GRAMD2B: variants seen among roughly 807,000 people sequenced by gnomAD.
The protein encoded by GRAMD2B is GRAM domain containing 2B, also known as GRAM domain-containing protein 2B.
A neutral mutation model predicts 59.2 loss-of-function variants in GRAMD2B; 41 were observed. That is an observed-to-expected ratio of 0.69 (90% confidence interval 0.54 to 0.90). The LOEUF (loss-of-function observed/expected upper bound fraction) is 0.90, where lower values mean the gene tolerates loss of function less well. Ranked by LOEUF, GRAMD2B falls within the 40% of genes least tolerant of loss-of-function variation. The probability of loss-of-function intolerance (pLI) is 0.00; values close to 1 mark genes in which losing one functional copy is unlikely to be tolerated. For synonymous variants in GRAMD2B, 161 were observed against 182.7 expected (o/e 0.88, Z 0.96); for missense variants, 424 against 500.5 (o/e 0.85, Z 1.46).
chr5:126,490,800 T>G (rs189811629), intron 13 of GRAMD2B, among the ~76,000 whole-genome samples: 1 of 152,292 alleles, frequency 6.6e-6, no homozygotes, highest in Admixed American at 6.5e-5. Context: ...TGTCTAAGCC[T>G]CATGATCTTT....
At chr5:126,385,213 G>A (rs530402722) in intron 1 of GRAMD2B, among the ~76,000 whole-genome samples, 181 of 152,132 alleles carry the variant, frequency 1.2e-3, no homozygotes, top group Middle Eastern at 6.8e-3. Flanking sequence ...AAATTATACC[G>A]CAGGCCTTAT....
intron 1 of GRAMD2B, among the ~76,000 whole-genome samples, chr5:126,411,033 G>A (rs957303966): frequency 6.6e-6 from 1 of 151,994 alleles, no homozygotes; most frequent in African/African-American, 2.4e-5. Flanking sequence ...TGCATAGTTT[G>A]TGAGCATTTT....
chr5:126,424,807 A>G (rs901597446), intron 1 of GRAMD2B, among the ~76,000 whole-genome samples: 5 of 152,226 alleles, frequency 3.3e-5, no homozygotes, highest in Admixed American at 6.5e-5. Context: ...TCTCACAAAG[A>G]ATGAGGCAGG....
chr5:126,399,488 G>T (rs939283452), intron 1 of GRAMD2B, among the ~76,000 whole-genome samples: 3 of 152,068 alleles, frequency 2.0e-5, no homozygotes. Context: ...GTGTTTGGCA[G>T]TTCCTCCCTT....
intron 1 of GRAMD2B, among the ~76,000 whole-genome samples, chr5:126,372,378 T>C (rs2149692589): frequency 6.6e-6 from 1 of 152,312 alleles, no homozygotes; most frequent in East Asian, 1.9e-4. Flanking sequence ...GACAGCACCA[T>C]ATCCAGAAAT....
chr5:126,404,836 A>G (rs191061469), intron 1 of GRAMD2B, among the ~76,000 whole-genome samples: 156 of 151,934 alleles, frequency 1.0e-3, no homozygotes, highest in African/African-American at 3.7e-3. Context: ...ACAATAAATC[A>G]CAGAAGAAGA....
At chr5:126,370,458 T>C (rs1378723574), upstream of GRAMD2B, among the ~76,000 whole-genome samples, 3 of 152,200 alleles carry the variant, frequency 2.0e-5, no homozygotes, top group South Asian at 2.1e-4. Context: ...AGAGAGAGCA[T>C]AGCTACTGTG....
At chr5:126,370,206 AATGTAAT>A (rs1274060459), upstream of GRAMD2B, among the ~76,000 whole-genome samples, 3 of 152,236 alleles carry the variant, frequency 2.0e-5, no homozygotes, top group Admixed American at 6.5e-5. Flanking sequence ...TGTCCAAAAT[AATGTAAT>A]ATCACTGAAA....
chr5:126,490,616 T>C (rs1054735543), intron 13 of GRAMD2B, among the ~76,000 whole-genome samples: 2 of 152,120 alleles, frequency 1.3e-5, no homozygotes, highest in African/African-American at 4.8e-5. Flanking sequence ...ATCTAAGTAT[T>C]AAAAAAGAGG....
chr5:126,370,933 G>A (rs1234271134), upstream of GRAMD2B, among the ~76,000 whole-genome samples: 1 of 152,200 alleles, frequency 6.6e-6, no homozygotes, highest in Non-Finnish European at 1.5e-5. Context: ...CCTTAAAACT[G>A]CTGTACATCT....
At chr5:126,394,753 T>G (rs1757209621) in intron 1 of GRAMD2B, among the ~76,000 whole-genome samples, 1 of 152,198 alleles carries the variant, frequency 6.6e-6, no homozygotes, top group Non-Finnish European at 1.5e-5. Context: ...GAAATTTAAA[T>G]ATACATACAG....
intron 1 of GRAMD2B, among the ~76,000 whole-genome samples, chr5:126,389,188 G>C (rs1269052986): frequency 6.6e-6 from 1 of 152,164 alleles, no homozygotes. Context: ...TAAAGGAGGG[G>C]TGAAAGCTTA....
At chr5:126,419,794 C>T (rs1035460741), upstream of GRAMD2B, among the ~76,000 whole-genome samples, 28 of 152,084 alleles carry the variant, frequency 1.8e-4, no homozygotes, top group South Asian at 4.1e-4. Flanking sequence ...TGGTGGCTCA[C>T]GCCTGTAATC....
chr5:126,463,757 G>A (rs761657760), intron 1 of GRAMD2B, among the ~76,000 whole-genome samples: 9 of 152,298 alleles, frequency 5.9e-5, no homozygotes, highest in East Asian at 1.9e-4. Context: ...AGTGGCTCAC[G>A]CCTGTAATCC....
intron 1 of GRAMD2B, among the ~76,000 whole-genome samples, chr5:126,440,412 A>C (rs983536207): frequency 6.6e-6 from 1 of 152,238 alleles, no homozygotes; most frequent in African/African-American, 2.4e-5. Flanking sequence ...AAATCTGAGT[A>C]ATAAAAAGAT....
chr5:126,378,322 A>AC (rs1755376475), intron 1 of GRAMD2B, among the ~76,000 whole-genome samples: 1 of 152,270 alleles, frequency 6.6e-6, no homozygotes, highest in African/African-American at 2.4e-5. Context: ...GCTATAAATT[A>AC]TAAAAAAATA....
At chr5:126,443,161 C>T (rs1048572473) in intron 1 of GRAMD2B, among the ~76,000 whole-genome samples, 2 of 152,106 alleles carry the variant, frequency 1.3e-5, no homozygotes, top group Non-Finnish European at 2.9e-5. Flanking sequence ...ACACTCAGCT[C>T]AGTAGTCCCA....
chr5:126,418,734 C>G (rs1759466825), upstream of GRAMD2B, among the ~76,000 whole-genome samples: 1 of 152,142 alleles, frequency 6.6e-6, no homozygotes, highest in South Asian at 2.1e-4. Flanking sequence ...CAAAGGTAGC[C>G]ATTCAGATAA....
chr5:126,378,498 AAAG>A (rs146162111), intron 1 of GRAMD2B, among the ~76,000 whole-genome samples: 2,641 of 152,284 alleles, frequency 0.017, 83 homozygotes, highest in African/African-American at 0.06. Flanking sequence ...TACTTTTCTT[AAAG>A]AAGACTCTAA....
Sources: allele counts gnomAD v4.1 joint callset (sites outside exome capture counted in the v4.1 genomes callset), GRCh38; gene constraint gnomAD v4.1.1; transcripts MANE v1.5; gene names NCBI Gene and HGNC (gene_info 2026-07-23, HGNC 2026-07-21).